The following TBC1D19 variants were observed in gnomAD, a reference collection of about 807,000 sequenced individuals.
The protein encoded by TBC1D19 is TBC1 domain family member 19.
TBC1D19 carries 60 observed loss-of-function variants against 89.0 expected under a neutral mutation model. The ratio of observed to expected loss-of-function variants is 0.67; its 90% CI spans 0.55 to 0.84. TBC1D19 has a LOEUF of 0.84. TBC1D19 is among the 40% of genes least tolerant of loss of function. The probability of loss-of-function intolerance (pLI) is 0.00; values close to 1 mark genes in which losing one functional copy is unlikely to be tolerated. For synonymous variants in TBC1D19, 189 were observed against 199.7 expected (o/e 0.95, Z 0.45); for missense variants, 500 against 610.8 (o/e 0.82, Z 1.91).
upstream of TBC1D19, among the ~76,000 whole-genome samples, chr4:26,580,353 C>A (rs1357838748): frequency 3.9e-5 from 6 of 152,146 alleles, no homozygotes; most frequent in South Asian, 1.2e-3. Flanking sequence ...GAAAAGCACC[C>A]TGGACAGTGG....
the TBC1D19 span, among the ~76,000 whole-genome samples, chr4:26,829,335 C>A: frequency 6.6e-6 from 1 of 152,166 alleles, no homozygotes; most frequent in Non-Finnish European, 1.5e-5. Context: ...AAAGCAATCA[C>A]AAAAACACAT....
In TBC1D19 at chr4:26,689,512, G is replaced by T. The variant is rs147315315; in HGVS notation, c.954+1105G>T. 2.5e-4 allele frequency among the ~76,000 whole-genome samples: 38 copies of T among 151,998 alleles called. No individual in the cohort carries two copies. In the East Asian group the frequency reaches 7.2e-3, roughly 29 times the overall value. ...TTATTTTTACAAATTGAAGGTTTGT[G>T]GCAACCCTGCATTGAGCAAGTCTAT... On this transcript the variant is annotated intron_variant, in intron 13 of 20. Coordinates refer to ENST00000264866, the MANE Select transcript of TBC1D19 (RefSeq NM_018317.4).
At position 26,640,202 on chromosome 4, in the gene TBC1D19, A is replaced by G; in HGVS notation, c.480+15A>G. On this transcript the variant is annotated intron_variant, in intron 7 of 20. Coordinates refer to ENST00000264866, the MANE Select transcript of TBC1D19 (RefSeq NM_018317.4). ...ATTTTCTTGAGGTAGGTTCTATTGGATAAATACACATATATTAATGAATGA... is the reference window on the plus strand; with the variant it reads ...ATTTTCTTGAGGTAGGTTCTATTGGGTAAATACACATATATTAATGAATGA... The G allele has an allele frequency of 6.4e-7, 1 of 1,556,766 alleles. No individual in the cohort carries two copies. The highest frequency in any genetic ancestry group is 8.8e-7 in the Non-Finnish European group (1 of 1,130,316).
the TBC1D19 span, among the ~76,000 whole-genome samples, chr4:26,787,663 C>G: frequency 6.6e-6 from 1 of 152,092 alleles, no homozygotes. Context: ...ACTTGACATG[C>G]TTTTCATGTC....
chr4:26,818,575 T>C, the TBC1D19 span, among the ~76,000 whole-genome samples: 1 of 152,168 alleles, frequency 6.6e-6, no homozygotes, highest in South Asian at 2.1e-4. Flanking sequence ...AATTTTGACA[T>C]AATTTCAGAC....
chr4:26,715,825 C>T (rs868080851), intron 13 of TBC1D19, among the ~76,000 whole-genome samples: 20 of 152,098 alleles, frequency 1.3e-4, no homozygotes, highest in Middle Eastern at 3.2e-3. Flanking sequence ...GTTAGTCCTT[C>T]ATTCCTAGAG....
At chr4:26,653,118 G>A (rs966691827) in intron 7 of TBC1D19, among the ~76,000 whole-genome samples, 14 of 151,960 alleles carry the variant, frequency 9.2e-5, no homozygotes, top group African/African-American at 3.4e-4. Flanking sequence ...CCTTCATTTC[G>A]TTATGTACCC....
intron 7 of TBC1D19, among the ~76,000 whole-genome samples, chr4:26,648,415 A>C (rs1308375604): frequency 6.6e-6 from 1 of 152,230 alleles, no homozygotes. Context: ...ACTAGTTAGT[A>C]CATGTCACTG....
chr4:26,739,427 C>T (rs1718224005), intron 16 of TBC1D19, among the ~76,000 whole-genome samples: 1 of 152,076 alleles, frequency 6.6e-6, no homozygotes, highest in East Asian at 1.9e-4. Flanking sequence ...ATCTGTTTTA[C>T]TTACCTGACT....
intron 15 of TBC1D19, among the ~76,000 whole-genome samples, chr4:26,732,900 TTCATG>T (rs1717752851): frequency 6.6e-6 from 1 of 151,722 alleles, no homozygotes; most frequent in African/African-American, 2.4e-5. Flanking sequence ...AAGGAAGGAG[TTCATG>T]TCAATGGCAT....
chr4:26,690,168 C>T (rs1714153466), intron 13 of TBC1D19, among the ~76,000 whole-genome samples: 1 of 151,990 alleles, frequency 6.6e-6, no homozygotes, highest in African/African-American at 2.4e-5. Context: ...AGAGCAAGGC[C>T]CTAAATCTCT....
chr4:26,830,781 C>A, the TBC1D19 span, among the ~76,000 whole-genome samples: 1 of 152,200 alleles, frequency 6.6e-6, no homozygotes, highest in Non-Finnish European at 1.5e-5. Flanking sequence ...TGTTCCTGTC[C>A]TCAAACTGGT....
rs367969177 is a variant in TBC1D19 at position 26,640,449 on chromosome 4, C to T, written c.480+262C>T. Among the ~76,000 whole-genome samples the T allele has an allele frequency of 5.3e-5, 8 of 152,230 alleles. No individual in the cohort carries two copies. The Middle Eastern group carries it at 0.01, about 194-fold the overall frequency. ...TGTAGGAAGTGGGTTCCAAGATGGCCGAATACGAACAGGCCCAGTCTGCAG... is the reference window on the plus strand; with the variant it reads ...TGTAGGAAGTGGGTTCCAAGATGGCTGAATACGAACAGGCCCAGTCTGCAG... On this transcript the variant is annotated intron_variant, in intron 7 of 20. Coordinates refer to ENST00000264866, the MANE Select transcript of TBC1D19 (RefSeq NM_018317.4).
chr4:26,725,562 C>T (rs1469079414), intron 15 of TBC1D19, among the ~76,000 whole-genome samples: 1 of 152,048 alleles, frequency 6.6e-6, no homozygotes. Context: ...CAGGTGCACA[C>T]CACCATGCTG....
intron 15 of TBC1D19, among the ~76,000 whole-genome samples, chr4:26,733,955 A>G (rs1717816682): frequency 6.6e-6 from 1 of 152,218 alleles, no homozygotes; most frequent in Non-Finnish European, 1.5e-5. Flanking sequence ...GAAGCTTTTC[A>G]AGACCACCTC....
chr4:26,751,784 A>G (rs982438924), intron 19 of TBC1D19, among the ~76,000 whole-genome samples: 1 of 152,186 alleles, frequency 6.6e-6, no homozygotes, highest in Non-Finnish European at 1.5e-5. Context: ...ATCTGGGGAA[A>G]TTAAGAGACC....
At chr4:26,783,043 C>G in the TBC1D19 span, among the ~76,000 whole-genome samples, 46 of 152,192 alleles carry the variant, frequency 3.0e-4, 1 homozygote, top group Admixed American at 6.5e-4. Context: ...GGAGTCCACA[C>G]CTTGTGACAA....
intron 18 of TBC1D19, 68 bp from the exon 19 acceptor site, chr4:26,748,343 T>G: frequency 1.8e-6 from 2 of 1,107,724 alleles, no homozygotes; most frequent in East Asian, 4.7e-5. Context: ...GTTGGGTTCT[T>G]CTGATATTGC....
intron 14 of TBC1D19, among the ~76,000 whole-genome samples, chr4:26,718,455 A>G (rs771101884): frequency 2.0e-5 from 3 of 151,984 alleles, no homozygotes; most frequent in East Asian, 1.9e-4. Flanking sequence ...TCTCCTCTTT[A>G]TCACCAGCTG....
Sources: allele counts gnomAD v4.1 joint callset (sites outside exome capture counted in the v4.1 genomes callset), GRCh38; gene constraint gnomAD v4.1.1; transcripts MANE v1.5; gene names NCBI Gene and HGNC (gene_info 2026-07-23, HGNC 2026-07-21).